ERGIC1: variants seen among roughly 807,000 people sequenced by gnomAD.
ERGIC1 encodes the protein endoplasmic reticulum-golgi intermediate compartment 1.
ERGIC1 carries 19 observed loss-of-function variants against 38.3 expected under a neutral mutation model. The ratio of observed to expected loss-of-function variants is 0.50; its 90% CI spans 0.35 to 0.73. ERGIC1 has a LOEUF of 0.73. Ranked by LOEUF, ERGIC1 falls within the 30% of genes least tolerant of loss-of-function variation. The probability of loss-of-function intolerance (pLI) is 0.01; values close to 1 mark genes in which losing one functional copy is unlikely to be tolerated. For synonymous variants in ERGIC1, 124 were observed against 157.6 expected (o/e 0.79, Z 1.60); for missense variants, 294 against 389.2 (o/e 0.76, Z 2.06).
chr5:172,844,234 C>T (rs1761231482), intron 1 of ERGIC1, among the ~76,000 whole-genome samples: 1 of 152,236 alleles, frequency 6.6e-6, no homozygotes, highest in Non-Finnish European at 1.5e-5. Flanking sequence ...GCGCCCCTAC[C>T]TATCAGCAAG....
At chr5:172,841,388 A>T (rs1761156482) in intron 1 of ERGIC1, among the ~76,000 whole-genome samples, 1 of 152,216 alleles carries the variant, frequency 6.6e-6, no homozygotes, top group Non-Finnish European at 1.5e-5. Context: ...ACCGACCCTC[A>T]GAAATGCTGG....
Position 172,932,539 on chromosome 5 carries a change from G to A in ERGIC1, c.642+3G>A, listed in dbSNP as rs376714157. ...ACCAGTACACGGTGGCCAACAAGGTGCGCGGGCGGTGGCTGGGCCGAGCTG... is the reference window on the plus strand; with the variant it reads ...ACCAGTACACGGTGGCCAACAAGGTACGCGGGCGGTGGCTGGGCCGAGCTG... On this transcript the variant is annotated splice_donor_region_variant and intron_variant, in intron 8 of 9. Coordinates refer to ENST00000393784, the MANE Select transcript of ERGIC1 (RefSeq NM_001031711.3). 3.7e-6 allele frequency: 6 copies of A among 1,613,746 alleles called. No individual in the cohort carries two copies. In the African/African-American group the frequency reaches 4.0e-5, roughly 11 times the overall value.
chr5:172,929,960 G>T (rs762709966), intron 7 of ERGIC1, among the ~76,000 whole-genome samples: 2 of 152,144 alleles, frequency 1.3e-5, no homozygotes, highest in Non-Finnish European at 2.9e-5. Flanking sequence ...GGCCAAGTCG[G>T]GTGGATCACG....
chr5:172,887,451 C>T (rs899673395), intron 1 of ERGIC1, among the ~76,000 whole-genome samples: 2 of 152,206 alleles, frequency 1.3e-5, no homozygotes, highest in African/African-American at 2.4e-5. Context: ...CACTCCTTTC[C>T]GTGGCCTCAC....
intron 9 of ERGIC1, among the ~76,000 whole-genome samples, chr5:172,943,736 A>G (rs1581590867): frequency 6.6e-6 from 1 of 152,134 alleles, no homozygotes; most frequent in South Asian, 2.1e-4. Context: ...AAAGCCCACA[A>G]TCTCGCCTCC....
chr5:172,893,891 A>ATG (rs1310207956), intron 2 of ERGIC1, among the ~76,000 whole-genome samples: 1 of 19,666 alleles, frequency 5.1e-5, no homozygotes, highest in Non-Finnish European at 1.3e-4. Flanking sequence ...ATATATATAT[A>ATG]TATATATATA....
At chr5:172,870,300 C>T (rs1761967124) in intron 1 of ERGIC1, among the ~76,000 whole-genome samples, 1 of 152,186 alleles carries the variant, frequency 6.6e-6, no homozygotes, top group African/African-American at 2.4e-5. Flanking sequence ...CCCTCGGACC[C>T]CTTGGTTCCA....
intron 3 of ERGIC1, chr5:172,897,917 T>C (rs1387082403): frequency 2.4e-6 from 1 of 413,630 alleles, no homozygotes; most frequent in Non-Finnish European, 4.4e-6. Context: ...CCTAGAATTA[T>C]CTGTTGTCTG....
intron 3 of ERGIC1, among the ~76,000 whole-genome samples, chr5:172,901,128 A>C (rs1230422891): frequency 6.6e-6 from 1 of 152,186 alleles, no homozygotes; most frequent in Non-Finnish European, 1.5e-5. Flanking sequence ...CCCTCCCGCC[A>C]CCATGAGATT....
intron 1 of ERGIC1, among the ~76,000 whole-genome samples, chr5:172,883,851 T>C (rs1041892940): frequency 8.5e-5 from 13 of 152,098 alleles, no homozygotes; most frequent in Non-Finnish European, 4.4e-5. Flanking sequence ...GGCATGATGG[T>C]GCATCCCTGT....
intron 1 of ERGIC1, among the ~76,000 whole-genome samples, chr5:172,883,619 G>A (rs890637035): frequency 4.6e-5 from 7 of 152,174 alleles, no homozygotes; most frequent in African/African-American, 1.4e-4. Flanking sequence ...TCCTCAGTGC[G>A]GCATATCAGG....
intron 1 of ERGIC1, among the ~76,000 whole-genome samples, chr5:172,887,239 G>A (rs1762445215): frequency 6.6e-6 from 1 of 152,154 alleles, no homozygotes; most frequent in Admixed American, 6.6e-5. Context: ...CCCAAGGGCT[G>A]GAGCCGCCGG....
chr5:172,938,791 C>T (rs998431652), intron 9 of ERGIC1, among the ~76,000 whole-genome samples: 2 of 150,844 alleles, frequency 1.3e-5, no homozygotes, highest in Admixed American at 6.6e-5. Flanking sequence ...CGGCCGGGCA[C>T]GGTGGCTCAC....
intron 2 of ERGIC1, among the ~76,000 whole-genome samples, chr5:172,889,120 A>G (rs764261441): frequency 1.3e-5 from 2 of 152,170 alleles, no homozygotes; most frequent in Non-Finnish European, 2.9e-5. Flanking sequence ...CCCCGTCTCT[A>G]TTAAAAATAC....
At chr5:172,932,958 G>T (rs1763810751) in intron 8 of ERGIC1, 1 of 168,992 alleles carries the variant, frequency 5.9e-6, no homozygotes, top group African/African-American at 2.4e-5. Flanking sequence ...ACACCAAGAT[G>T]GCTGTTGATT....
intron 1 of ERGIC1, among the ~76,000 whole-genome samples, chr5:172,865,745 T>C (rs761165498): frequency 3.5e-4 from 54 of 152,232 alleles, no homozygotes; most frequent in Non-Finnish European, 5.4e-4. Flanking sequence ...ACTTCTTTCA[T>C]CCCATGTCCC....
chr5:172,910,619 G>A (rs1425254894), intron 4 of ERGIC1, among the ~76,000 whole-genome samples: 1 of 151,036 alleles, frequency 6.6e-6, no homozygotes, highest in Non-Finnish European at 1.5e-5. Flanking sequence ...CTGCCTCCTG[G>A]GTTCAAGCGA....
Position 172,840,061 on chromosome 5 carries a change from C to T in ERGIC1, c.20+5628C>T, listed in dbSNP as rs113993085. Among the ~76,000 whole-genome samples the T allele has an allele frequency of 9.2e-4, 140 of 152,320 alleles. 1 individual carries two copies. Among genetic ancestry groups the T allele is most frequent in the African/African-American group, 3.2e-3 (133 of 41,582 alleles). On this transcript the variant is annotated intron_variant, in intron 1 of 9. Transcript: ENST00000393784. ...CTTAAAGCCATCAACTTTTTTCCCC[C>T]TAGCCTCATGTAGCGTGATACCTGA...
intron 3 of ERGIC1, 55 bp from the exon 4 acceptor site, chr5:172,909,611 AG>A (rs1763156626): frequency 1.3e-6 from 2 of 1,508,198 alleles, no homozygotes. Flanking sequence ...TGTCCCCCGC[AG>A]CTGAGATCTT....
Sources: gnomAD v4.1 joint callset for allele counts (sites outside exome capture counted in the v4.1 genomes callset) on GRCh38, gnomAD v4.1.1 for gene constraint, MANE v1.5 for transcripts, NCBI Gene and HGNC (gene_info 2026-07-23, HGNC 2026-07-21) for gene names.